Variants in DPP10 observed in about 807,000 individuals in gnomAD.
The protein encoded by DPP10 is inactive dipeptidyl peptidase 10.
DPP10 carries 33 observed loss-of-function variants against 120.9 expected under a neutral mutation model. The observed-to-expected ratio is 0.27, with a 90% CI of 0.21 to 0.37. The LOEUF is 0.37. Among genes scored for constraint, DPP10 ranks in the 10% least tolerant of loss-of-function variants. The probability of loss-of-function intolerance (pLI) is 1.00; values close to 1 mark genes in which losing one functional copy is unlikely to be tolerated. For synonymous variants in DPP10, 337 were observed against 326.1 expected (o/e 1.03, Z -0.36); for missense variants, 816 against 942.8 (o/e 0.87, Z 1.76).
At position 114,874,978 on chromosome 2, in the gene DPP10, A is replaced by T. The variant is rs531505697; in HGVS notation, c.60+432140A>T. 7.2e-5 allele frequency among the ~76,000 whole-genome samples: 11 copies of T among 152,204 alleles called. No homozygotes were observed. In the South Asian group the frequency reaches 2.3e-3, roughly 32 times the overall value. ...TATATGCCAGGTTCAACAGTTCCCA[A>T]TGTTACCTCTTTATGAAACAACAAT... is the stretch of plus-strand genomic sequence containing the variant. On this transcript the variant is annotated intron_variant, in intron 1 of 25. Transcript: ENST00000410059.
At chr2:115,840,042 A>C (rs894756238) in intron 24 of DPP10, among the ~76,000 whole-genome samples, 7 of 152,144 alleles carry the variant, frequency 4.6e-5, no homozygotes, top group Admixed American at 3.3e-4. Flanking sequence ...AATCTTCAAA[A>C]TGAAATAGAT....
intron 7 of DPP10, among the ~76,000 whole-genome samples, chr2:115,725,408 C>A (rs17044916): frequency 0.047 from 7,211 of 152,112 alleles, 574 homozygotes; most frequent in African/African-American, 0.16. Context: ...ATTTTTTATC[C>A]ACTGAAGAAA....
chr2:115,280,494 T>C (rs991655991), intron 1 of DPP10, among the ~76,000 whole-genome samples: 3 of 152,204 alleles, frequency 2.0e-5, no homozygotes, highest in African/African-American at 7.2e-5. Flanking sequence ...TCACCACTGA[T>C]GACTTCTCAC....
chr2:115,095,839 G>A (rs1200333584), intron 1 of DPP10, among the ~76,000 whole-genome samples: 1 of 152,038 alleles, frequency 6.6e-6, no homozygotes, highest in Admixed American at 6.6e-5. Context: ...CCATTTTCAA[G>A]ACTGTAAAAC....
intron 3 of DPP10, among the ~76,000 whole-genome samples, chr2:115,425,352 G>T (rs2070359309): frequency 6.6e-6 from 1 of 152,278 alleles, no homozygotes. Flanking sequence ...CTCTGCTAAA[G>T]TATAATTTTT....
At chr2:115,600,585 G>C (rs1456390055) in intron 5 of DPP10, among the ~76,000 whole-genome samples, 1 of 152,172 alleles carries the variant, frequency 6.6e-6, no homozygotes, top group African/African-American at 2.4e-5. Flanking sequence ...ATTTCTGTTT[G>C]ATTGCCTCTA....
chr2:115,293,373 G>A (rs2105936315), intron 1 of DPP10, among the ~76,000 whole-genome samples: 1 of 152,210 alleles, frequency 6.6e-6, no homozygotes, highest in African/African-American at 2.4e-5. Flanking sequence ...CACATATCAT[G>A]GAAATCAGAG....
chr2:115,730,060 T>C (rs935729229), intron 8 of DPP10, among the ~76,000 whole-genome samples: 2 of 152,166 alleles, frequency 1.3e-5, no homozygotes, highest in Admixed American at 6.5e-5. Context: ...TACCATTTAA[T>C]AGGAAAACTA....
chr2:114,935,375 T>C (rs1045868378), intron 1 of DPP10, among the ~76,000 whole-genome samples: 1 of 152,166 alleles, frequency 6.6e-6, no homozygotes, highest in Non-Finnish European at 1.5e-5. Context: ...CGGAACTCTT[T>C]CTAATTTTCT....
intron 1 of DPP10, among the ~76,000 whole-genome samples, chr2:115,220,613 T>A (rs970603907): frequency 1.2e-4 from 19 of 152,154 alleles, no homozygotes; most frequent in African/African-American, 4.3e-4. Context: ...GTCATTTGTT[T>A]GCAGACAATT....
intron 3 of DPP10, among the ~76,000 whole-genome samples, chr2:115,387,738 C>G (rs1425497507): frequency 2.0e-5 from 3 of 151,984 alleles, no homozygotes; most frequent in Non-Finnish European, 2.9e-5. Flanking sequence ...GGTTATTGTG[C>G]TTTTATAGGT....
chr2:114,888,862 G>A (rs1692306395), intron 1 of DPP10, among the ~76,000 whole-genome samples: 1 of 152,130 alleles, frequency 6.6e-6, no homozygotes, highest in East Asian at 1.9e-4. Flanking sequence ...AAGATGCACA[G>A]CCTGGAGGTA....
intron 3 of DPP10, among the ~76,000 whole-genome samples, chr2:115,408,010 A>C (rs2104551147): frequency 6.6e-6 from 1 of 152,148 alleles, no homozygotes; most frequent in East Asian, 1.9e-4. Flanking sequence ...CTTTCTAGCA[A>C]ATACATGCGG....
At chr2:114,626,805 T>G (rs1243100229) in intron 1 of DPP10, among the ~76,000 whole-genome samples, 3 of 152,142 alleles carry the variant, frequency 2.0e-5, no homozygotes, top group African/African-American at 7.2e-5. Context: ...TCTACCTTTG[T>G]GAAATTTTGC....
intron 1 of DPP10, among the ~76,000 whole-genome samples, chr2:115,117,485 A>G (rs1163069191): frequency 1.3e-5 from 2 of 152,192 alleles, no homozygotes; most frequent in Non-Finnish European, 2.9e-5. Context: ...GTGTTCACCT[A>G]TAACCCCAGC....
chr2:115,167,569 T>A (rs1248564086), intron 1 of DPP10, among the ~76,000 whole-genome samples: 1 of 141,054 alleles, frequency 7.1e-6, no homozygotes, highest in African/African-American at 2.7e-5. Context: ...ATTGTGCCAC[T>A]GCACTCTAGC....
chr2:114,706,729 C>G (rs961089449), intron 1 of DPP10, among the ~76,000 whole-genome samples: 1 of 152,124 alleles, frequency 6.6e-6, no homozygotes, highest in Non-Finnish European at 1.5e-5. Flanking sequence ...TTGGATCTAT[C>G]TTCTAGTATC....
chr2:114,803,980 G>A (rs1214677660), intron 1 of DPP10, among the ~76,000 whole-genome samples: 1 of 152,202 alleles, frequency 6.6e-6, no homozygotes, highest in African/African-American at 2.4e-5. Flanking sequence ...AGGCCCGGAG[G>A]CCCTGGAGGA....
At chr2:114,645,931 G>T (rs1328500201) in intron 1 of DPP10, among the ~76,000 whole-genome samples, 2 of 152,110 alleles carry the variant, frequency 1.3e-5, no homozygotes, top group Non-Finnish European at 2.9e-5. Context: ...GGGAGGCAAG[G>T]CAGGCGGATC....
Sources: gnomAD v4.1 joint callset for allele counts (sites outside exome capture counted in the v4.1 genomes callset) on GRCh38, gnomAD v4.1.1 for gene constraint, MANE v1.5 for transcripts, NCBI Gene and HGNC (gene_info 2026-07-23, HGNC 2026-07-21) for gene names.